BNC1: variants seen among roughly 807,000 people sequenced by gnomAD.
BNC1 encodes the protein basonuclin zinc finger protein 1, also known as zinc finger protein basonuclin-1.
Under a neutral mutation model 66.5 loss-of-function variants are expected in BNC1, and 8 were observed. That is an observed-to-expected ratio of 0.12 (90% CI 0.07 to 0.22). The LOEUF is 0.22. Ranked by LOEUF, BNC1 falls within the 10% of genes least tolerant of loss-of-function variation. BNC1 has a pLI of 1.00. For missense variants in BNC1, 1,069 were observed against 1,241.3 expected (o/e 0.86, Z 2.09); for synonymous variants, 454 against 452.6 (o/e 1.00, Z -0.04).
chr15:83,268,417 G>A (rs2038238595), intron 1 of BNC1, among the ~76,000 whole-genome samples, 185 bp from the exon 2 acceptor site: 1 of 152,192 alleles, frequency 6.6e-6, no homozygotes, highest in Admixed American at 6.5e-5. Flanking sequence ...TGCACCTGGA[G>A]ACCGTGAACA....
chr15:83,265,673 G>A (rs896084369), intron 3 of BNC1, among the ~76,000 whole-genome samples: 21 of 152,156 alleles, frequency 1.4e-4, no homozygotes, highest in Admixed American at 2.6e-4. Flanking sequence ...CTGCACTAGA[G>A]GTGAGCAAAC....
chr15:83,280,387 A>G (rs1378080860), intron 1 of BNC1, among the ~76,000 whole-genome samples: 2 of 152,232 alleles, frequency 1.3e-5, no homozygotes, highest in Non-Finnish European at 2.9e-5. Flanking sequence ...ATACAGAGCA[A>G]AACACTTACA....
intron 1 of BNC1, chr15:83,283,150 G>A (rs1029555191): frequency 1.3e-6 from 2 of 1,535,490 alleles, no homozygotes; most frequent in African/African-American, 1.4e-5. Context: ...GACTCGGAGC[G>A]GTGGCAGCCC....
At chr15:83,266,715 G>T (rs1024025306) in intron 3 of BNC1, 121 bp downstream of exon 3, 5 of 867,490 alleles carry the variant, frequency 5.8e-6, no homozygotes, top group Non-Finnish European at 9.6e-6. Context: ...TAGAAAAGAA[G>T]TATTAAAGGG....
At chr15:83,273,744 C>T (rs906921325) in intron 1 of BNC1, among the ~76,000 whole-genome samples, 4 of 152,174 alleles carry the variant, frequency 2.6e-5, no homozygotes, top group Admixed American at 1.3e-4. Context: ...GTCTCTCGGA[C>T]ACCCTGTTCT....
chr15:83,277,972 C>T (rs1422840097), intron 1 of BNC1, among the ~76,000 whole-genome samples: 1 of 151,974 alleles, frequency 6.6e-6, no homozygotes, highest in Non-Finnish European at 1.5e-5. Context: ...ACTCCTTTCA[C>T]TTTTTCTTTT....
intron 3 of BNC1, 78 bp downstream of exon 3, chr15:83,266,758 G>A: frequency 8.0e-7 from 1 of 1,250,784 alleles, no homozygotes; most frequent in Non-Finnish European, 1.2e-6. Context: ...AGCATTGGGA[G>A]GTAACTGGGT....
At chr15:83,272,784 A>G (rs2038281827) in intron 1 of BNC1, among the ~76,000 whole-genome samples, 1 of 152,118 alleles carries the variant, frequency 6.6e-6, no homozygotes, top group Non-Finnish European at 1.5e-5. Context: ...TATTTTTTGC[A>G]TCTCGTCACC....
intron 4 of BNC1, among the ~76,000 whole-genome samples, chr15:83,260,893 CAT>C (rs960272053): frequency 6.6e-5 from 10 of 152,172 alleles, no homozygotes; most frequent in African/African-American, 2.4e-4. Flanking sequence ...TAACTTAAAT[CAT>C]AGATTCTAGG....
chr15:83,263,693 C>T lies in BNC1; in HGVS notation c.1558G>A (p.Glu520Lys). ...GGCATTTCGTTTGAAATGAGCTGTTCTGGGATTGAAGAGGACAACAGCGGG... is the reference window on the plus strand; with the variant it reads ...GGCATTTCGTTTGAAATGAGCTGTTTTGGGATTGAAGAGGACAACAGCGGG... ...SLPLLSSSIP[E>K]QLISNEMPFD... The change falls in exon 4 of 5, where the codon GAA becomes AAA. Residue 520 changes from glutamate (E) to lysine (K), a missense_variant. Glu to Lys is a moderately conservative substitution (Grantham distance 56). This residue lies in a region of BNC1 where 657 missense variants were observed against 715.8 expected (regional missense o/e 0.92). Coordinates refer to ENST00000345382, the MANE Select transcript of BNC1 (RefSeq NM_001717.4). 6.2e-7 allele frequency: 1 copy of T among 1,614,178 alleles called. No individual in the cohort carries two copies. The highest frequency in any genetic ancestry group is 8.5e-7 in the Non-Finnish European group (1 of 1,180,032).
intron 4 of BNC1, among the ~76,000 whole-genome samples, chr15:83,258,801 T>C (rs2038112082): frequency 6.6e-6 from 1 of 152,212 alleles, no homozygotes. Flanking sequence ...TAGTATCATA[T>C]GTTGAAAGGA....
chr15:83,282,967 C>A (rs1314118585), intron 1 of BNC1, among the ~76,000 whole-genome samples: 2 of 152,114 alleles, frequency 1.3e-5, no homozygotes, highest in Non-Finnish European at 2.9e-5. Flanking sequence ...TGGCTGAGAC[C>A]AGGCGTCTGG....
intron 1 of BNC1, among the ~76,000 whole-genome samples, chr15:83,281,099 A>G (rs1160820294): frequency 6.6e-6 from 1 of 152,240 alleles, no homozygotes; most frequent in Non-Finnish European, 1.5e-5. Context: ...TGGAGAAACA[A>G]GTCTGTTCTC....
chr15:83,275,763 T>C (rs1472773573), intron 1 of BNC1, among the ~76,000 whole-genome samples: 1 of 152,086 alleles, frequency 6.6e-6, no homozygotes, highest in South Asian at 2.1e-4. Flanking sequence ...AAGGGGCCAA[T>C]GTAGCTGGAG....
Position 83,283,250 on chromosome 15 carries a change from A to G in BNC1, c.99+1280T>C, listed in dbSNP as rs74407643. 966 of 1,535,376 alleles carry G rather than the reference A, an allele frequency of 6.3e-4. 6 individuals carry two copies. The African/African-American group carries it at 0.011, about 18-fold the overall frequency. On this transcript the variant is annotated intron_variant, in intron 1 of 4. Coordinates refer to ENST00000345382, the MANE Select transcript of BNC1 (RefSeq NM_001717.4). ...GGCTCGGAGCTACGCGCTGATTAATATCAGATCTCCTTCACTCGCCTCGCC... is the reference window on the plus strand; with the variant it reads ...GGCTCGGAGCTACGCGCTGATTAATGTCAGATCTCCTTCACTCGCCTCGCC...
At chr15:83,261,456 C>T (rs1181833641) in intron 4 of BNC1, among the ~76,000 whole-genome samples, 1 of 152,208 alleles carries the variant, frequency 6.6e-6, no homozygotes, top group Non-Finnish European at 1.5e-5. Flanking sequence ...TCAAGTCAAG[C>T]TTGTTTCTGC....
intron 4 of BNC1, among the ~76,000 whole-genome samples, chr15:83,258,703 A>G (rs1198149584): frequency 6.6e-6 from 1 of 152,230 alleles, no homozygotes. Context: ...CTTTATTTCA[A>G]TGAAATCAGG....
intron 1 of BNC1, among the ~76,000 whole-genome samples, chr15:83,281,898 C>T (rs1324191921): frequency 6.6e-6 from 1 of 152,150 alleles, no homozygotes; most frequent in Non-Finnish European, 1.5e-5. Context: ...TGGGCATGGG[C>T]CTGGGATGCA....
chr15:83,263,734 C>T lies in BNC1; in HGVS notation c.1517G>A (p.Gly506Glu), dbSNP rs1466774009. ...CAACAGCGGGAGGGAAGGGAGTATC[C>T]CAGGCGTGTTTGCTACCTCGGCAGG... ...ATPAEVANTP[G>E]ILPSLPLLSS... Residue 506 changes from glycine to glutamate, a missense_variant, in exon 4 of 5, where the codon GGG becomes GAG. By Grantham distance (98) the Gly-to-Glu change is moderately conservative. Around this residue, in one of 7 missense-constraint regions of BNC1, gnomAD observed 657 missense variants for 715.8 expected, o/e 0.92. Transcript: ENST00000345382. 1 of 1,614,132 alleles carries T rather than the reference C, an allele frequency of 6.2e-7. No homozygotes were observed. Among genetic ancestry groups the T allele is most frequent in the Non-Finnish European group, 8.5e-7 (1 of 1,180,028 alleles).
Sources: gnomAD v4.1 joint callset for allele counts (sites outside exome capture counted in the v4.1 genomes callset) on GRCh38, gnomAD v4.1.1 for gene constraint, gnomAD v4.1.1 regional missense constraint, MANE v1.5 for transcripts, NCBI Gene and HGNC (gene_info 2026-07-23, HGNC 2026-07-21) for gene names.